The following PTPRK variants were observed in gnomAD, a reference collection of about 807,000 sequenced individuals.
PTPRK encodes the protein receptor-type tyrosine-protein phosphatase kappa.
In PTPRK, 75 loss-of-function variants were observed where a neutral mutation model predicts 178.0. The ratio of observed to expected loss-of-function variants is 0.42; its 90% CI spans 0.35 to 0.51. PTPRK has a LOEUF of 0.51. Ranked by LOEUF, PTPRK falls within the 20% of genes least tolerant of loss-of-function variation. The pLI is 0.02. For synonymous variants in PTPRK, 637 were observed against 620.6 expected (o/e 1.03, Z -0.39); for missense variants, 1,441 against 1,797.8 (o/e 0.80, Z 3.59).
chr6:128,420,708 A>T (rs900301189), intron 1 of PTPRK, among the ~76,000 whole-genome samples: 1 of 152,250 alleles, frequency 6.6e-6, no homozygotes, highest in African/African-American at 2.4e-5. Flanking sequence ...AAATGACAGC[A>T]TTAAGAATAA....
chr6:128,048,041 A>G (rs1433812522), intron 13 of PTPRK, among the ~76,000 whole-genome samples: 2 of 152,172 alleles, frequency 1.3e-5, no homozygotes, highest in Non-Finnish European at 2.9e-5. Context: ...CTCTGTTTAT[A>G]AATCAGGAAG....
intron 3 of PTPRK, among the ~76,000 whole-genome samples, chr6:128,320,300 A>G (rs1424704506): frequency 6.6e-6 from 1 of 152,190 alleles, no homozygotes; most frequent in Non-Finnish European, 1.5e-5. Context: ...AATGTTATTA[A>G]CATCAATGAT....
chr6:128,321,807 C>G (rs1426491665), intron 3 of PTPRK: 1 of 713,154 alleles, frequency 1.4e-6, no homozygotes, highest in South Asian at 1.5e-5. Context: ...GGTTTTGTGC[C>G]AATGTCTCCA....
At chr6:128,478,213 C>T (rs1466017218) in intron 1 of PTPRK, among the ~76,000 whole-genome samples, 5 of 152,072 alleles carry the variant, frequency 3.3e-5, no homozygotes, top group Admixed American at 3.3e-4. Context: ...TCATGGACTC[C>T]TTCATGCCTT....
chr6:128,113,694 T>C (rs1340904948), intron 7 of PTPRK, among the ~76,000 whole-genome samples: 2 of 152,034 alleles, frequency 1.3e-5, no homozygotes, highest in Non-Finnish European at 2.9e-5. Context: ...TCCTTGTGTA[T>C]ATTGAAAGAC....
At chr6:128,466,985 A>G (rs561836482) in intron 1 of PTPRK, among the ~76,000 whole-genome samples, 2 of 152,300 alleles carry the variant, frequency 1.3e-5, no homozygotes, top group East Asian at 3.9e-4. Flanking sequence ...TTATGCTTAT[A>G]TCAAGGCAGA....
At chr6:128,489,953 T>G (rs1853527499) in intron 1 of PTPRK, among the ~76,000 whole-genome samples, 2 of 152,232 alleles carry the variant, frequency 1.3e-5, no homozygotes, top group African/African-American at 4.8e-5. Context: ...TTTCTTCAGG[T>G]ATGCTGAAGC....
At chr6:128,283,831 A>G (rs770091743) in intron 3 of PTPRK, among the ~76,000 whole-genome samples, 1 of 152,138 alleles carries the variant, frequency 6.6e-6, no homozygotes, top group South Asian at 2.1e-4. Flanking sequence ...TCTGGTATCT[A>G]TTCTTCATTT....
At chr6:128,114,660 T>C (rs556422060) in intron 7 of PTPRK, among the ~76,000 whole-genome samples, 2 of 143,020 alleles carry the variant, frequency 1.4e-5, no homozygotes, top group South Asian at 4.6e-4. Context: ...GAACTCACTA[T>C]CACAAGAACA....
At chr6:128,170,155 G>C (rs542760318) in intron 7 of PTPRK, among the ~76,000 whole-genome samples, 38 of 152,032 alleles carry the variant, frequency 2.5e-4, no homozygotes, top group African/African-American at 8.4e-4. Flanking sequence ...GAAACTTCAT[G>C]AAACAAACAC....
chr6:128,195,080 A>C (rs1366807598), intron 6 of PTPRK, among the ~76,000 whole-genome samples: 1 of 150,736 alleles, frequency 6.6e-6, no homozygotes, highest in Non-Finnish European at 1.5e-5. Context: ...TAGTTTAAAA[A>C]AATTATTAAA....
intron 7 of PTPRK, among the ~76,000 whole-genome samples, chr6:128,118,170 T>C (rs539223339): frequency 6.6e-6 from 1 of 152,280 alleles, no homozygotes; most frequent in South Asian, 2.1e-4. Context: ...ATGACTCAAA[T>C]AACTTCATTT....
chr6:128,485,013 T>A (rs906253393), intron 1 of PTPRK, among the ~76,000 whole-genome samples: 2 of 152,204 alleles, frequency 1.3e-5, no homozygotes, highest in Non-Finnish European at 2.9e-5. Flanking sequence ...CTGAGGTCTC[T>A]GAACCCACAA....
intron 1 of PTPRK, among the ~76,000 whole-genome samples, chr6:128,429,462 C>T (rs2128392715): frequency 6.6e-6 from 1 of 152,282 alleles, no homozygotes; most frequent in African/African-American, 2.4e-5. Flanking sequence ...ATGGCCAATA[C>T]AAAAACCTTC....
chr6:128,042,664 T>G (rs1777391036), intron 13 of PTPRK, among the ~76,000 whole-genome samples: 2 of 152,080 alleles, frequency 1.3e-5, no homozygotes, highest in South Asian at 4.1e-4. Flanking sequence ...TAATCACAAC[T>G]GCAAATTCTC....
intron 7 of PTPRK, among the ~76,000 whole-genome samples, chr6:128,095,188 A>T (rs1787711110): frequency 6.6e-6 from 1 of 152,314 alleles, no homozygotes; most frequent in South Asian, 2.1e-4. Context: ...CCAGATCTCA[A>T]AACACAAAAT....
intron 1 of PTPRK, among the ~76,000 whole-genome samples, chr6:128,422,699 A>C (rs866040699): frequency 6.6e-6 from 1 of 150,770 alleles, no homozygotes; most frequent in African/African-American, 2.4e-5. Context: ...AAAAAAAAAA[A>C]AAAAACCTGA....
chr6:128,430,469 T>G (rs369818382), intron 1 of PTPRK, among the ~76,000 whole-genome samples: 1 of 152,208 alleles, frequency 6.6e-6, no homozygotes, highest in East Asian at 1.9e-4. Context: ...ATTTATCAAG[T>G]GTTCATTCTA....
chr6:128,169,897 A>G (rs909957550), intron 7 of PTPRK, among the ~76,000 whole-genome samples: 4 of 151,842 alleles, frequency 2.6e-5, no homozygotes, highest in East Asian at 3.9e-4. Context: ...ACTTTCCAGA[A>G]CTATATGGGA....
Sources: allele counts gnomAD v4.1 joint callset (sites outside exome capture counted in the v4.1 genomes callset), GRCh38; gene constraint gnomAD v4.1.1; transcripts MANE v1.5; gene names NCBI Gene and HGNC (gene_info 2026-07-23, HGNC 2026-07-21).